CWF19L2: variants seen among roughly 807,000 people sequenced by gnomAD.
CWF19L2 encodes the protein CWF19 like cell cycle control factor 2.
Under a neutral mutation model 111.7 loss-of-function variants are expected in CWF19L2, and 98 were observed. The ratio of observed to expected loss-of-function variants is 0.88; its 90% CI spans 0.75 to 1.04. CWF19L2 has a LOEUF of 1.04. Among genes scored for constraint, CWF19L2 ranks in the 50% least tolerant of loss-of-function variants. The probability of loss-of-function intolerance (pLI) is 0.00; values close to 1 mark genes in which losing one functional copy is unlikely to be tolerated. For missense variants in CWF19L2, 1,101 were observed against 1,051.4 expected, an observed-to-expected ratio of 1.05 and a Z score of -0.65; for synonymous variants, 351 against 342.9, an observed-to-expected ratio of 1.02 and a Z score of -0.26.
rs1020548815 is a variant in CWF19L2 at position 107,336,489 on chromosome 11, GACA to G, written c.2358+66_2358+68del. 1.3e-4 allele frequency: 163 copies of G among 1,231,664 alleles called. 2 individuals carry two copies. The South Asian group carries it at 1.7e-3, about 13-fold the overall frequency. 76.3% of individuals were successfully genotyped at this position (1,231,664 alleles called of 1,614,324 possible). A position where few individuals can be genotyped will look rare whatever the true frequency, so the allele number is the denominator to read the frequency against. ...TATAGGAGAAAAATATGTTAATAAA[GACA>G]ACAATATTTGTAAAATAGCACTATA... On this transcript the variant is annotated intron_variant, in intron 15 of 17. Transcript: ENST00000282251.
At chr11:107,334,733 G>A in intron 16 of CWF19L2, 148 bp downstream of exon 16, 1 of 661,142 alleles carries the variant, frequency 1.5e-6, no homozygotes. Flanking sequence ...TTCTAGACCA[G>A]GTAGGATAAA....
chr11:107,328,400 A>C (rs1859794798), intron 17 of CWF19L2, among the ~76,000 whole-genome samples: 1 of 152,172 alleles, frequency 6.6e-6, no homozygotes, highest in Non-Finnish European at 1.5e-5. Flanking sequence ...TCTACCATAT[A>C]AGCTTGACTC....
intron 10 of CWF19L2, among the ~76,000 whole-genome samples, chr11:107,409,444 T>C (rs1196130652): frequency 6.6e-6 from 1 of 152,118 alleles, no homozygotes; most frequent in Non-Finnish European, 1.5e-5. Flanking sequence ...TAGACAAAAC[T>C]TTAAAGCTAC....
intron 17 of CWF19L2, among the ~76,000 whole-genome samples, chr11:107,327,358 T>C (rs1225558619): frequency 1.3e-5 from 2 of 152,154 alleles, no homozygotes; most frequent in Middle Eastern, 3.2e-3. Context: ...TTAATTAATA[T>C]GATCTCTATT....
chr11:107,362,356 T>C (rs371635926), intron 12 of CWF19L2, among the ~76,000 whole-genome samples: 12 of 151,960 alleles, frequency 7.9e-5, no homozygotes, highest in Admixed American at 3.9e-4. Context: ...TCTGTAGGCT[T>C]CACCTCTGGG....
intron 4 of CWF19L2, among the ~76,000 whole-genome samples, chr11:107,442,141 G>C (rs1282980917): frequency 6.6e-6 from 1 of 152,132 alleles, no homozygotes; most frequent in African/African-American, 2.4e-5. Flanking sequence ...GGGACATAAG[G>C]GGAAAGTGCC....
At chr11:107,378,785 T>A (rs1397970381) in intron 12 of CWF19L2, among the ~76,000 whole-genome samples, 1 of 150,842 alleles carries the variant, frequency 6.6e-6, no homozygotes, top group Non-Finnish European at 1.5e-5. Flanking sequence ...AATAAATAAA[T>A]AAAAATAAAA....
chr11:107,364,584 A>G (rs1229251431), intron 12 of CWF19L2, among the ~76,000 whole-genome samples: 1 of 139,914 alleles, frequency 7.1e-6, no homozygotes, highest in Non-Finnish European at 1.5e-5. Context: ...CTGGGTACAT[A>G]ACGAAATGAA....
At chr11:107,443,405 C>T (rs1292232668) in intron 3 of CWF19L2, among the ~76,000 whole-genome samples, 1 of 152,094 alleles carries the variant, frequency 6.6e-6, no homozygotes, top group Non-Finnish European at 1.5e-5. Flanking sequence ...ATCGCTTGTA[C>T]CCAGGAGGCA....
chr11:107,356,465 A>AT (rs1220549975), intron 12 of CWF19L2, among the ~76,000 whole-genome samples: 1 of 152,048 alleles, frequency 6.6e-6, no homozygotes, highest in Non-Finnish European at 1.5e-5. Context: ...CTAGCAATTT[A>AT]TTTTTTTCTT....
chr11:107,443,476 C>T (rs1021740529), intron 3 of CWF19L2, among the ~76,000 whole-genome samples: 23 of 146,386 alleles, frequency 1.6e-4, no homozygotes, highest in African/African-American at 5.8e-4. Context: ...GAGACTCCGT[C>T]TCAAAAAAAA....
chr11:107,398,955 GAC>G (rs1236995108), intron 10 of CWF19L2, among the ~76,000 whole-genome samples: 2 of 152,138 alleles, frequency 1.3e-5, no homozygotes, highest in Non-Finnish European at 2.9e-5. Flanking sequence ...ATGAAGGAAA[GAC>G]ACAGTTGTTT....
chr11:107,404,521 T>G, intron 10 of CWF19L2: 3 of 713,836 alleles, frequency 4.2e-6, no homozygotes, highest in Admixed American at 1.8e-5. Flanking sequence ...CCACAAACCT[T>G]GGAGTGCTGG....
intron 10 of CWF19L2, chr11:107,403,763 T>C: frequency 1.1e-6 from 1 of 911,810 alleles, no homozygotes; most frequent in Non-Finnish European, 1.8e-6. Context: ...TTCCTCTGCC[T>C]GTGCAATCTC....
Position 107,334,861 on chromosome 11 carries a change from C to T in CWF19L2, c.2439+20G>A. On this transcript the variant is annotated intron_variant, in intron 16 of 17. Transcript: ENST00000282251. Reference sequence around the variant, plus strand: ...CTGAGCACTAGGGTAATTTCTTTTACCAGGAAAAAACATACTTACAGACTT... The same window carrying T: ...CTGAGCACTAGGGTAATTTCTTTTATCAGGAAAAAACATACTTACAGACTT... 6.9e-7 allele frequency: 1 copy of T among 1,456,794 alleles called. No homozygotes were observed. Among genetic ancestry groups the T allele is most frequent in the Non-Finnish European group, 9.6e-7 (1 of 1,039,990 alleles). The allele number at this position is 1,456,794 out of a possible 1,614,324, so 90.2% of individuals were successfully genotyped here. A position where few individuals can be genotyped will look rare whatever the true frequency, so the allele number is the denominator to read the frequency against.
intron 12 of CWF19L2, among the ~76,000 whole-genome samples, chr11:107,358,318 C>T (rs1450087576): frequency 8.7e-5 from 13 of 150,050 alleles, no homozygotes; most frequent in Non-Finnish European, 1.6e-4. Context: ...ATAAAATACA[C>T]TAACACTACT....
At chr11:107,438,959 GA>G (rs1861578848) in intron 6 of CWF19L2, 130 bp downstream of exon 6, 1 of 564,582 alleles carries the variant, frequency 1.8e-6, no homozygotes, top group African/African-American at 2.0e-5. Flanking sequence ...AGGATCACTT[GA>G]GGGGGAGGTG....
At chr11:107,402,198 A>G (rs1861010905) in intron 10 of CWF19L2, among the ~76,000 whole-genome samples, 1 of 152,168 alleles carries the variant, frequency 6.6e-6, no homozygotes, top group South Asian at 2.1e-4. Flanking sequence ...CAAGAACCCA[A>G]AAGTAAATGC....
intron 10 of CWF19L2, among the ~76,000 whole-genome samples, chr11:107,415,083 T>C (rs768958519): frequency 2.0e-5 from 3 of 152,214 alleles, no homozygotes; most frequent in African/African-American, 4.8e-5. Context: ...AAGCTTAACA[T>C]GATCTGGCCA....
Sources: gnomAD v4.1 joint callset for allele counts (sites outside exome capture counted in the v4.1 genomes callset) on GRCh38, gnomAD v4.1.1 for gene constraint, MANE v1.5 for transcripts, NCBI Gene and HGNC (gene_info 2026-07-23, HGNC 2026-07-21) for gene names.